MRPL16: variants seen among roughly 807,000 people sequenced by gnomAD.
MRPL16 encodes mitochondrial ribosomal protein L16.
Under a neutral mutation model 22.7 loss-of-function variants are expected in MRPL16, and 17 were observed. The observed-to-expected ratio is 0.75, with a 90% CI of 0.51 to 1.12. MRPL16 has a LOEUF of 1.12. Ranked by LOEUF, MRPL16 falls within the 50% of genes most tolerant of loss-of-function variation. The pLI is 0.00. For synonymous variants in MRPL16, 103 were observed against 112.8 expected (o/e 0.91, Z 0.55); for missense variants, 316 against 328.7 (o/e 0.96, Z 0.30).
intron 3 of MRPL16, 176 bp downstream of exon 3, chr11:59,807,525 T>C (rs1353937525): frequency 1.9e-5 from 10 of 529,340 alleles, no homozygotes; most frequent in Admixed American, 3.3e-5. Flanking sequence ...AAAAAAGATA[T>C]ATAACCCAAA....
At chr11:59,809,737 A>C in intron 2 of MRPL16, 118 bp downstream of exon 2, 1 of 896,774 alleles carries the variant, frequency 1.1e-6, no homozygotes, top group Non-Finnish European at 1.7e-6. Flanking sequence ...CTAAAAACAT[A>C]TTTATTGAAA....
intron 2 of MRPL16, among the ~76,000 whole-genome samples, chr11:59,808,125 A>G (rs1220237580): frequency 1.3e-5 from 2 of 152,198 alleles, no homozygotes; most frequent in Admixed American, 6.5e-5. Context: ...CTGTAAAGGT[A>G]TATTACATTT....
At chr11:59,810,571 T>C (rs774834254) in intron 1 of MRPL16, 33 bp downstream of exon 1, 1 of 1,613,566 alleles carries the variant, frequency 6.2e-7, no homozygotes, top group Admixed American at 1.7e-5. Flanking sequence ...GGAAGAGGGG[T>C]AAAGTCTTTA....
intron 3 of MRPL16, 170 bp downstream of exon 3, chr11:59,807,531 C>A: frequency 1.7e-6 from 1 of 579,394 alleles, no homozygotes; most frequent in Non-Finnish European, 2.8e-6. Context: ...GATATATAAC[C>A]CAAATGTTTA....
rs756718381 is a variant in MRPL16 at position 59,807,732 on chromosome 11, G to A, written c.239C>T (p.Thr80Met). The stretch of plus-strand genomic sequence containing the variant: ...TGCAAAATTGCCTTCTGTAAACTCC[G>A]TAGCTTCAGTGGAAGGTCCCCGTAT... ...SDIRGPSTEATEFTEGNFAIL... is the reference protein window; with the variant it reads ...SDIRGPSTEAMEFTEGNFAIL... Residue 80 changes from threonine (T) to methionine (M), a missense_variant, in exon 3 of 4, where the codon ACG becomes ATG. By Grantham distance (81) the Thr-to-Met change is moderately conservative. Coordinates refer to ENST00000300151, the MANE Select transcript of MRPL16 (RefSeq NM_017840.4). 9 of 1,612,252 alleles carry A rather than the reference G, an allele frequency of 5.6e-6. 1 individual carries two copies. Among genetic ancestry groups the A allele is most frequent in the South Asian group, 4.4e-5 (4 of 90,580 alleles).
chr11:59,810,665 G>T lies in MRPL16; in HGVS notation c.-7C>A, dbSNP rs551177211. The T allele has an allele frequency of 6.2e-7, 1 of 1,613,848 alleles. No homozygotes were observed. The highest frequency in any genetic ancestry group is 1.3e-5 in the African/African-American group (1 of 75,064). On this transcript the variant is annotated 5_prime_UTR_variant, in exon 1 of 4. Transcript: ENST00000300151. ...GAGCCAGCAGCCTCCACATGGTCAC[G>T]GGCGTCCGGCGGCGCGGAGCTCCCC...
chr11:59,809,972 T>A (rs1314663850), intron 1 of MRPL16, 52 bp from the exon 2 acceptor site: 9 of 1,463,800 alleles, frequency 6.1e-6, no homozygotes, highest in Non-Finnish European at 8.5e-6. Context: ...GGGACCCCGA[T>A]ACAACCTGGG....
intron 2 of MRPL16, among the ~76,000 whole-genome samples, chr11:59,808,333 C>T (rs1056793311): frequency 1.3e-5 from 2 of 152,122 alleles, no homozygotes; most frequent in African/African-American, 4.8e-5. Flanking sequence ...AACTTTATAG[C>T]CTTGGTATTC....
intron 2 of MRPL16, chr11:59,808,616 A>G (rs987229615): frequency 2.0e-5 from 3 of 152,220 alleles, no homozygotes; most frequent in African/African-American, 7.2e-5. Flanking sequence ...TCACAAAAAT[A>G]TATACATATA....
chr11:59,810,621 A>T lies in MRPL16; in HGVS notation c.38T>A (p.Leu13Gln). Residue 13 changes from leucine (L) to glutamine (Q), a missense_variant, in exon 1 of 4, where the codon CTG (leucine) becomes CAG (glutamine). By Grantham distance (113) the Leu-to-Gln change is moderately radical. Coordinates refer to ENST00000300151, the MANE Select transcript of MRPL16 (RefSeq NM_017840.4). ...RLLARASAPL[L>Q]RVPLSDSWAL... is the part of the protein sequence containing the mutation. ...CTTCTGACCTGACAAGGGCACCCGC[A>T]GGAGCGGCGCACTAGCGCGAGCCAG... 6.2e-7 allele frequency: 1 copy of T among 1,614,188 alleles called. No individual in the cohort carries two copies. The highest frequency in any genetic ancestry group is 8.5e-7 in the Non-Finnish European group (1 of 1,179,988).
At chr11:59,806,855 G>T (rs1171137883) in intron 3 of MRPL16, 23 bp from the exon 4 acceptor site, 2 of 1,595,696 alleles carry the variant, frequency 1.3e-6, no homozygotes, top group East Asian at 4.5e-5. Context: ...GGGAGAATTA[G>T]AAACACATGC....
chr11:59,809,360 G>A lies in MRPL16; in HGVS notation c.121+495C>T, dbSNP rs544336583. 2.0e-5 allele frequency among the ~76,000 whole-genome samples: 3 copies of A among 152,088 alleles called. No homozygotes were observed. In the South Asian group the frequency reaches 6.2e-4, roughly 32 times the overall value. On this transcript the variant is annotated intron_variant, in intron 2 of 3. Transcript: ENST00000300151. ...ACTCTGTTGCCCAGGCTGGAGTGCA[G>A]TGGCCTCCTGAGTAGCTGGGATTAC...
Position 59,806,565 on chromosome 11 carries a change from CA to C in MRPL16, c.537del (p.Ala180ProfsTer11). On this transcript the variant is annotated frameshift_variant, in exon 4 of 4. Coordinates refer to ENST00000300151, the MANE Select transcript of MRPL16 (RefSeq NM_017840.4). LOFTEE classifies it high-confidence loss of function. ...TTTGCTGCGAAGGGCAACTTGTGGG[CA>C]ACCTGGTCAAGGAAACCTTGCACTT... ...FEEVQGFLDQ[V>X]AHKLPFAAKA... 6.2e-7 allele frequency: 1 copy of C among 1,614,264 alleles called. No homozygotes were observed. Among genetic ancestry groups the C allele is most frequent in the South Asian group, 1.1e-5 (1 of 91,088 alleles).
chr11:59,810,357 C>T (rs1354722770), intron 1 of MRPL16: 6 of 1,376,424 alleles, frequency 4.4e-6, no homozygotes, highest in Non-Finnish European at 5.6e-6. Flanking sequence ...GCGGATTCCA[C>T]TAAATGGACT....
chr11:59,810,553 G>A (rs2135068865), intron 1 of MRPL16, 51 bp downstream of exon 1: 1 of 1,610,850 alleles, frequency 6.2e-7, no homozygotes, highest in Non-Finnish European at 8.5e-7. Context: ...GCACTGGAGG[G>A]TGGGGGAGGA....
Position 59,806,677 on chromosome 11 carries a change from TC to T in MRPL16, c.425del (p.Gly142GlufsTer10). 1 of 1,614,046 alleles carries T rather than the reference TC, an allele frequency of 6.2e-7. No homozygotes were observed. The highest frequency in any genetic ancestry group is 8.5e-7 in the Non-Finnish European group (1 of 1,180,014). ...TRKSVGHRMG[G>X]GKGAIDHYVT... The stretch of plus-strand genomic sequence containing the variant: ...CGTAGTGGTCAATAGCACCTTTGCC[TC>T]CCCCCATGCGATGCCCAACACTTTT... On this transcript the variant is annotated frameshift_variant, in exon 4 of 4. Transcript: ENST00000300151. LOFTEE classifies it high-confidence loss of function.
intron 3 of MRPL16, 159 bp downstream of exon 3, chr11:59,807,542 C>T (rs1866123814): frequency 1.6e-6 from 1 of 608,368 alleles, no homozygotes; most frequent in South Asian, 4.5e-5. Flanking sequence ...CAAATGTTTA[C>T]TGGGTACCCA....
chr11:59,810,136 G>C, intron 1 of MRPL16: 2 of 638,118 alleles, frequency 3.1e-6, no homozygotes, highest in Non-Finnish European at 4.8e-6. Context: ...CTCCGGACTA[G>C]CTGGGATTAC....
chr11:59,807,239 G>C (rs970268446), intron 3 of MRPL16: 1 of 193,100 alleles, frequency 5.2e-6, no homozygotes, highest in Non-Finnish European at 1.1e-5. Context: ...GAGGTCAGTG[G>C]GGGTGATTAT....
Sources: allele counts gnomAD v4.1 joint callset (sites outside exome capture counted in the v4.1 genomes callset), GRCh38; gene constraint gnomAD v4.1.1; transcripts MANE v1.5; gene names NCBI Gene and HGNC (gene_info 2026-07-23, HGNC 2026-07-21).